The following IGF2 variants were observed in gnomAD, a reference collection of about 807,000 sequenced individuals.
IGF2 encodes insulin like growth factor 2, also known as insulin-like growth factor 2.
In IGF2, 2 loss-of-function variants were observed where a neutral mutation model predicts 12.0. The ratio of observed to expected loss-of-function variants is 0.17; its 90% CI spans 0.07 to 0.52. IGF2 has a LOEUF of 0.52. Among genes scored for constraint, IGF2 ranks in the 20% least tolerant of loss-of-function variants. IGF2 has a pLI of 0.95. For synonymous variants in IGF2, 105 were observed against 110.1 expected (o/e 0.95, Z 0.29); for missense variants, 211 against 268.0 (o/e 0.79, Z 1.48).
At position 2,132,579 on chromosome 11, in the gene IGF2, GGTT is replaced by G. The variant is rs1858678690; in HGVS notation, c.*405_*407del. ...TTTTAGCCAATTGATTTTTTTTGGTGGTTGTTTTTTTTAAAGCCAATTTCTGAG... is the reference window on the plus strand; with the variant it reads ...TTTTAGCCAATTGATTTTTTTTGGTGGTTTTTTTTAAAGCCAATTTCTGAG... On this transcript the variant is annotated 3_prime_UTR_variant, in exon 4 of 4. Coordinates refer to ENST00000416167, the MANE Select transcript of IGF2 (RefSeq NM_000612.6). 9.7e-6 allele frequency: 2 copies of G among 206,608 alleles called. No homozygotes were observed. Among genetic ancestry groups the G allele is most frequent in the South Asian group, 1.9e-4 (1 of 5,168 alleles). The allele number at this position is 206,608 out of a possible 1,614,324, so 12.8% of individuals were successfully genotyped here. A position where few individuals can be genotyped will look rare whatever the true frequency, so the allele number is the denominator to read the frequency against.
rs1431910636 is a variant in IGF2, at chr11:2,138,238, G to A, written c.-16C>T. ...CGCACACGCCGCTTACCTGGAAGCC[G>A]GCGACGCTGCCGCCCACCTCCCTGC... On this transcript the variant is annotated 5_prime_UTR_variant, in exon 1 of 4. Transcript: ENST00000416167. 63 of 985,032 alleles carry A rather than the reference G, an allele frequency of 6.4e-5. No individual in the cohort carries two copies. The highest frequency in any genetic ancestry group is 7.1e-5 in the Non-Finnish European group (59 of 829,798). 61.0% of individuals were successfully genotyped at this position (985,032 alleles called of 1,614,324 possible).
the IGF2 span, chr11:2,146,592 C>T: frequency 3.1e-5 from 11 of 358,990 alleles, no homozygotes; most frequent in East Asian, 2.2e-4. Flanking sequence ...GGGGTTCAGA[C>T]GGTGCACACT....
At position 2,131,550 on chromosome 11, in the gene IGF2, ATGTG is replaced by A. The variant is rs1482379537; in HGVS notation, c.*1433_*1436del. 1.6e-5 allele frequency: 3 copies of A among 192,682 alleles called. No individual in the cohort carries two copies. The highest frequency in any genetic ancestry group is 3.0e-5 in the Non-Finnish European group (3 of 100,610). 11.9% of individuals were successfully genotyped at this position (192,682 alleles called of 1,614,324 possible). A position where few individuals can be genotyped will look rare whatever the true frequency, so the allele number is the denominator to read the frequency against. On this transcript the variant is annotated 3_prime_UTR_variant, in exon 4 of 4. Coordinates refer to ENST00000416167, the MANE Select transcript of IGF2 (RefSeq NM_000612.6). Reference sequence around the variant, plus strand: ...GCATGAGTGTGTGTGCTGTGTGTGCATGTGTGTGCTGTGTGTTTGTGTGTGTGCT... The same window carrying A: ...GCATGAGTGTGTGTGCTGTGTGTGCATGTGCTGTGTGTTTGTGTGTGTGCT...
chr11:2,134,689 T>G (rs1858868658), intron 2 of IGF2, among the ~76,000 whole-genome samples: 2 of 152,176 alleles, frequency 1.3e-5, no homozygotes, highest in Non-Finnish European at 2.9e-5. Flanking sequence ...GCACCATGCC[T>G]GCCTCTGCAT....
At chr11:2,146,448 G>A in the IGF2 span, 1 of 530,238 alleles carries the variant, frequency 1.9e-6, no homozygotes, top group Non-Finnish European at 3.9e-6. Flanking sequence ...TGGGAAGTAG[G>A]ACTAAGGACC....
Position 2,138,343 on chromosome 11 carries a change from G to T in IGF2, c.-121C>A, listed in dbSNP as rs1042417966. On this transcript the variant is annotated 5_prime_UTR_variant, in exon 1 of 4. Transcript: ENST00000416167. Reference sequence around the variant, plus strand: ...CCAGCGCCGCTCTGGCCGAGTCGCGGGGGCCGAATGTGCGACGGGGCAGAG... The same window carrying T: ...CCAGCGCCGCTCTGGCCGAGTCGCGTGGGCCGAATGTGCGACGGGGCAGAG... 1.0e-6 allele frequency: 1 copy of T among 984,450 alleles called. No homozygotes were observed. Among genetic ancestry groups the T allele is most frequent in the Admixed American group, 6.2e-5 (1 of 16,252 alleles). 61.0% of individuals were successfully genotyped at this position (984,450 alleles called of 1,614,324 possible).
chr11:2,136,241 G>C (rs1030615313), intron 1 of IGF2, among the ~76,000 whole-genome samples: 2 of 152,210 alleles, frequency 1.3e-5, no homozygotes, highest in African/African-American at 4.8e-5. Context: ...TCCAACTCCA[G>C]TCTGCCTTGG....
upstream of IGF2, among the ~76,000 whole-genome samples, chr11:2,145,852 C>T (rs889590592): frequency 3.9e-5 from 6 of 152,084 alleles, no homozygotes; most frequent in Admixed American, 6.5e-5. Context: ...AAAAGCACAC[C>T]GGCTCCCCTC....
upstream of IGF2, chr11:2,139,484 G>A (rs1859386394): frequency 2.0e-5 from 3 of 146,478 alleles, no homozygotes; most frequent in South Asian, 6.3e-4. Flanking sequence ...GCGCCAATGG[G>A]CGCCCGCGGA....
At chr11:2,134,079 G>T in intron 2 of IGF2, 1 of 463,438 alleles carries the variant, frequency 2.2e-6, no homozygotes. Flanking sequence ...CCACCTAGGA[G>T]GCTGGAGGGG....
chr11:2,133,796 A>AG lies in IGF2; in HGVS notation c.158-132dup, dbSNP rs3213231. 1.8e-3 allele frequency: 1,979 copies of AG among 1,097,706 alleles called. 32 individuals carry two copies. The African/African-American group carries it at 0.027, about 15-fold the overall frequency. 68.0% of individuals were successfully genotyped at this position (1,097,706 alleles called of 1,614,324 possible). A position where few individuals can be genotyped will look rare whatever the true frequency, so the allele number is the denominator to read the frequency against. The stretch of plus-strand genomic sequence containing the variant: ...GAAGGACGCAGCCACCCTGCGGGTC[A>AG]GGGGAGGGAAGTGAGAGCTGGCAGG... On this transcript the variant is annotated intron_variant, in intron 2 of 3. Transcript: ENST00000416167. The surrounding 1 kb of genome is among the most constrained non-coding windows in gnomAD (Gnocchi z 8.9).
chr11:2,140,086 G>C, upstream of IGF2: 1 of 1,582,050 alleles, frequency 6.3e-7, no homozygotes, highest in Non-Finnish European at 8.6e-7. Flanking sequence ...GGAGGCTCCG[G>C]CCGCCAGAGG....
chr11:2,142,648 C>A (rs897682735), upstream of IGF2, among the ~76,000 whole-genome samples: 2 of 152,084 alleles, frequency 1.3e-5, no homozygotes, highest in Non-Finnish European at 2.9e-5. This position sits in a 1 kb window ranked among gnomAD's most constrained non-coding sequence, Gnocchi z 5.7. Flanking sequence ...GGGTTTCAGA[C>A]CAATGCCTGA....
rs1009423952 is a variant in IGF2 at position 2,131,596 on chromosome 11, T to C, written c.*1391A>G. ...GTGTGTGCTGTGTTCATGTGTGCTG[T>C]GCATGCGTGTGTGCTGTGTGTGCAT... On this transcript the variant is annotated 3_prime_UTR_variant, in exon 4 of 4. Coordinates refer to ENST00000416167, the MANE Select transcript of IGF2 (RefSeq NM_000612.6). 1.8e-4 allele frequency: 36 copies of C among 202,190 alleles called. No homozygotes were observed. The highest frequency in any genetic ancestry group is 3.0e-3 in the Middle Eastern group (2 of 676). The allele number at this position is 202,190 out of a possible 1,614,324, so 12.5% of individuals were successfully genotyped here. A position where few individuals can be genotyped will look rare whatever the true frequency, so the allele number is the denominator to read the frequency against.
chr11:2,145,680 G>A (rs577988579), upstream of IGF2, among the ~76,000 whole-genome samples: 1 of 152,192 alleles, frequency 6.6e-6, no homozygotes, highest in African/African-American at 2.4e-5. Context: ...CCCACAGCAG[G>A]GTGTAGTGGC....
rs1289755583 is a variant in IGF2 at position 2,131,908 on chromosome 11, T to C, written c.*1079A>G. The C allele has an allele frequency of 1.1e-5, 2 of 189,534 alleles. No homozygotes were observed. Among genetic ancestry groups the C allele is most frequent in the Non-Finnish European group, 2.1e-5 (2 of 94,256 alleles). 11.7% of individuals were successfully genotyped at this position (189,534 alleles called of 1,614,324 possible). A position where few individuals can be genotyped will look rare whatever the true frequency, so the allele number is the denominator to read the frequency against. On this transcript the variant is annotated 3_prime_UTR_variant, in exon 4 of 4. Transcript: ENST00000416167. ...CGTTTGTGTGTGCTGTGCGTTTGTG[T>C]GTGTGCTGTGTGTGCATGTGTGTGC...
In IGF2 at chr11:2,133,022, C is replaced by T. The variant is rs771138084; in HGVS notation, c.508G>A (p.Gly170Ser). 1 of 1,555,742 alleles carries T rather than the reference C, an allele frequency of 6.4e-7. No homozygotes were observed. The highest frequency in any genetic ancestry group is 2.3e-5 in the East Asian group (1 of 42,782). ...TTGCTGGCCATCTCTGGGGGGGCGC[C>T]CCCGTGGGCGGGGTCTTGGGTGGGT... ...ALPTQDPAHG[G>S]APPEMASNRK The change falls in exon 4 of 4, where the codon GGC becomes AGC. Residue 170 changes from glycine (G) to serine (S), a missense_variant. Transcript: ENST00000416167. This position sits in a 1 kb window ranked among gnomAD's most constrained non-coding sequence, Gnocchi z 8.9.
rs1858516696 is a variant in IGF2 at position 2,131,129 on chromosome 11, G to C, written c.*1858C>G. ...GTGGGGACAGGCGCCAAGGAGGCCA[G>C]CCTCACAAGGGCATCTCTGTCATGG... On this transcript the variant is annotated 3_prime_UTR_variant, in exon 4 of 4. Coordinates refer to ENST00000416167, the MANE Select transcript of IGF2 (RefSeq NM_000612.6). 4.3e-6 allele frequency: 1 copy of C among 233,118 alleles called. No individual in the cohort carries two copies. Among genetic ancestry groups the C allele is most frequent in the Non-Finnish European group, 8.5e-6 (1 of 118,058 alleles). The allele number at this position is 233,118 out of a possible 1,614,324, so 14.4% of individuals were successfully genotyped here.
chr11:2,146,719 C>T, the IGF2 span: 2 of 279,870 alleles, frequency 7.1e-6, no homozygotes, highest in African/African-American at 4.4e-5. Flanking sequence ...CCTGAAGAGT[C>T]ACCTGCTGGA....
Sources: allele counts gnomAD v4.1 joint callset (sites outside exome capture counted in the v4.1 genomes callset), GRCh38; gene constraint gnomAD v4.1.1; non-coding constraint Gnocchi (gnomAD v3.1); transcripts MANE v1.5; gene names NCBI Gene and HGNC (gene_info 2026-07-23, HGNC 2026-07-21).